The following PTPRJ variants were observed in gnomAD, a reference collection of about 807,000 sequenced individuals.
PTPRJ encodes the protein protein tyrosine phosphatase receptor type J, also known as receptor-type tyrosine-protein phosphatase eta.
Under a neutral mutation model 141.3 loss-of-function variants are expected in PTPRJ, and 129 were observed. The ratio of observed to expected loss-of-function variants is 0.91; its 90% CI spans 0.79 to 1.06. The LOEUF is 1.06. Among genes scored for constraint, PTPRJ ranks in the 50% least tolerant of loss-of-function variants. The pLI, the probability that PTPRJ is intolerant of heterozygous loss-of-function variation, is 0.00. For synonymous variants in PTPRJ, 610 were observed against 640.5 expected (o/e 0.95, Z 0.72); for missense variants, 1,601 against 1,679.7 (o/e 0.95, Z 0.82).
chr11:48,025,002 C>T (rs1160088112), intron 1 of PTPRJ, among the ~76,000 whole-genome samples: 2 of 152,240 alleles, frequency 1.3e-5, no homozygotes, highest in African/African-American at 4.8e-5. Context: ...AAGGGGCCTT[C>T]TCATTTCTTT....
Position 48,043,770 on chromosome 11 carries a change from G to T in PTPRJ, c.96+62762G>T, listed in dbSNP as rs542690785. Among the ~76,000 whole-genome samples the T allele has an allele frequency of 2.6e-5, 4 of 152,284 alleles. No homozygotes were observed. The South Asian group carries it at 6.2e-4, about 24-fold the overall frequency. ...GGGTCTCTGAAGGGGCTAAGCCATG[G>T]TGGGCTAATGGCTCTGTTTACCGAG... On this transcript the variant is annotated intron_variant, in intron 1 of 24. Transcript: ENST00000418331.
At chr11:48,055,809 T>A (rs549780371) in intron 1 of PTPRJ, among the ~76,000 whole-genome samples, 1 of 152,336 alleles carries the variant, frequency 6.6e-6, no homozygotes, top group Non-Finnish European at 1.5e-5. Context: ...GCTGCTAGCT[T>A]GCTTGGCTCA....
At chr11:48,117,328 G>T (rs866701525) in intron 3 of PTPRJ, among the ~76,000 whole-genome samples, 6 of 151,908 alleles carry the variant, frequency 3.9e-5, no homozygotes, top group Middle Eastern at 3.2e-3. Flanking sequence ...ATCACTTGAG[G>T]TCAGGAGTTC....
intron 1 of PTPRJ, among the ~76,000 whole-genome samples, chr11:48,030,915 T>A (rs905834917): frequency 2.0e-5 from 3 of 152,140 alleles, no homozygotes; most frequent in Non-Finnish European, 4.4e-5. Flanking sequence ...AAGTATAGTC[T>A]CTTAGTCCCA....
At chr11:48,085,920 G>T (rs1855693749) in intron 1 of PTPRJ, among the ~76,000 whole-genome samples, 1 of 152,166 alleles carries the variant, frequency 6.6e-6, no homozygotes, top group Non-Finnish European at 1.5e-5. Context: ...TGCTGTCTCT[G>T]TGCTCCTTCG....
chr11:48,096,276 G>A (rs993005966), intron 1 of PTPRJ, among the ~76,000 whole-genome samples: 1 of 152,186 alleles, frequency 6.6e-6, no homozygotes, highest in African/African-American at 2.4e-5. Flanking sequence ...AGGCGCTGGG[G>A]GTGGGGCAGA....
chr11:48,159,867 A>C, intron 21 of PTPRJ, 63 bp from the exon 22 acceptor site: 1 of 1,593,432 alleles, frequency 6.3e-7, no homozygotes, highest in Non-Finnish European at 8.6e-7. Flanking sequence ...CTCCCTTGTG[A>C]GGTTTTAGTG....
chr11:48,016,260 G>C (rs1198816421), intron 1 of PTPRJ, among the ~76,000 whole-genome samples: 1 of 152,238 alleles, frequency 6.6e-6, no homozygotes, highest in Admixed American at 6.5e-5. Context: ...GCAGGGGTCA[G>C]ACCAGATGAG....
chr11:48,138,236 C>T (rs977042083), intron 10 of PTPRJ, among the ~76,000 whole-genome samples: 2 of 152,206 alleles, frequency 1.3e-5, no homozygotes, highest in Admixed American at 6.5e-5. Flanking sequence ...ATCCCTGCAG[C>T]TTTGGGTCAC....
At chr11:48,059,891 A>G (rs763824788) in intron 1 of PTPRJ, among the ~76,000 whole-genome samples, 1 of 152,258 alleles carries the variant, frequency 6.6e-6, no homozygotes, top group Non-Finnish European at 1.5e-5. Context: ...CTTACCCACC[A>G]TACCTGCTGC....
chr11:48,128,415 A>G (rs1210547642), intron 7 of PTPRJ, among the ~76,000 whole-genome samples: 1 of 152,174 alleles, frequency 6.6e-6, no homozygotes, highest in South Asian at 2.1e-4. Flanking sequence ...CCTGGTATTC[A>G]TATCCCCTTG....
chr11:48,079,833 G>A (rs1855513877), intron 1 of PTPRJ, among the ~76,000 whole-genome samples: 1 of 152,144 alleles, frequency 6.6e-6, no homozygotes. Context: ...ACAGTCCCGT[G>A]CCTGCTTCTG....
intron 1 of PTPRJ, among the ~76,000 whole-genome samples, chr11:47,991,177 G>A (rs559475578): frequency 1.3e-5 from 2 of 152,192 alleles, no homozygotes; most frequent in Non-Finnish European, 2.9e-5. Context: ...TTTGACAAAC[G>A]TGCATAGTTA....
At chr11:48,144,350 C>T (rs1284863567) in intron 12 of PTPRJ, among the ~76,000 whole-genome samples, 3 of 152,230 alleles carry the variant, frequency 2.0e-5, no homozygotes, top group Non-Finnish European at 4.4e-5. Context: ...ACCTTGGGCT[C>T]TGAGCCCGAT....
chr11:48,127,765 C>G lies in PTPRJ; in HGVS notation c.1094-15C>G. On this transcript the variant is annotated splice_polypyrimidine_tract_variant and intron_variant, in intron 6 of 24. Coordinates refer to ENST00000418331, the MANE Select transcript of PTPRJ (RefSeq NM_002843.4). The stretch of plus-strand genomic sequence containing the variant: ...GCCGTTCTGGTTATTTTGAACTCCT[C>G]TTGTGTTCTCACAGATGCTATTCAG... 6.2e-7 allele frequency: 1 copy of G among 1,612,872 alleles called. No homozygotes were observed. Among genetic ancestry groups the G allele is most frequent in the Non-Finnish European group, 8.5e-7 (1 of 1,179,042 alleles).
intron 2 of PTPRJ, 68 bp from the exon 3 acceptor site, chr11:48,112,679 T>C: frequency 8.9e-7 from 1 of 1,117,382 alleles, no homozygotes; most frequent in South Asian, 1.3e-5. Context: ...AAATATTTTG[T>C]GAGGTGGGGC....
chr11:48,136,261 TCTGGGGGGA>T lies in PTPRJ; in HGVS notation c.1840_1848del (p.Trp614_Asp616del). On this transcript the variant is annotated inframe_deletion, in exon 9 of 25. Coordinates refer to ENST00000418331, the MANE Select transcript of PTPRJ (RefSeq NM_002843.4). ...ACCATCTCTCCAGAAGTGGACCACGTCTGGGGGGACCCCAACTCCACTGCACAGTACACA... is the reference window on the plus strand; with the variant it reads ...ACCATCTCTCCAGAAGTGGACCACGTCCCCAACTCCACTGCACAGTACACA... The T allele has an allele frequency of 6.2e-7, 1 of 1,614,198 alleles. No homozygotes were observed. Among genetic ancestry groups the T allele is most frequent in the Non-Finnish European group, 8.5e-7 (1 of 1,180,036 alleles).
At chr11:48,099,301 A>G (rs547595884) in intron 1 of PTPRJ, among the ~76,000 whole-genome samples, 1 of 152,346 alleles carries the variant, frequency 6.6e-6, no homozygotes, top group South Asian at 2.1e-4. Flanking sequence ...ACATTTTTAA[A>G]TGGGTGGAGA....
chr11:48,149,319 G>C (rs1857422964), intron 15 of PTPRJ, 128 bp from the exon 16 acceptor site: 1 of 693,586 alleles, frequency 1.4e-6, no homozygotes, highest in Non-Finnish European at 2.5e-6. Context: ...GGTGTCAGCT[G>C]TGAACTAATG....
Sources: allele counts gnomAD v4.1 joint callset (sites outside exome capture counted in the v4.1 genomes callset), GRCh38; gene constraint gnomAD v4.1.1; transcripts MANE v1.5; gene names NCBI Gene and HGNC (gene_info 2026-07-23, HGNC 2026-07-21).